The following NPC2 variants were observed in gnomAD, a reference collection of about 807,000 sequenced individuals.
The protein encoded by NPC2 is NPC intracellular cholesterol transporter 2, also known as Niemann-Pick disease type C2 protein.
NPC2 carries 14 observed loss-of-function variants against 17.0 expected under a neutral mutation model. That is an observed-to-expected ratio of 0.82 (90% confidence interval 0.54 to 1.29). The LOEUF (loss-of-function observed/expected upper bound fraction) is 1.29, where lower values mean the gene tolerates loss of function less well. NPC2 is among the 50% of genes most tolerant of loss of function. NPC2 has a pLI of 0.00. For synonymous variants in NPC2, 75 were observed against 69.3 expected (o/e 1.08, Z -0.41); for missense variants, 167 against 183.4 (o/e 0.91, Z 0.52).
intron 1 of NPC2, among the ~76,000 whole-genome samples, chr14:74,487,654 C>A (rs968145844): frequency 1.3e-5 from 2 of 152,224 alleles, no homozygotes; most frequent in Non-Finnish European, 2.9e-5. Context: ...ATTACAACAT[C>A]TTTCTACCTC....
chr14:74,482,167 T>C (rs563699206), intron 3 of NPC2, among the ~76,000 whole-genome samples: 1 of 152,360 alleles, frequency 6.6e-6, no homozygotes, highest in South Asian at 2.1e-4. Context: ...TGGATATTCA[T>C]CTACTAATCT....
chr14:74,480,599 T>C, intron 4 of NPC2, 103 bp downstream of exon 4: 1 of 996,520 alleles, frequency 1.0e-6, no homozygotes, highest in Non-Finnish European at 1.6e-6. Context: ...AAAACAGCAG[T>C]CTTGAAATTC....
chr14:74,480,105 T>G lies in NPC2; in HGVS notation c.*169A>C. ...AGAAAAAGAGACATGAGACAACCAC[T>G]GAGAACCAGCCACCCGGAGCTCAGT... On this transcript the variant is annotated 3_prime_UTR_variant, in exon 5 of 5. Transcript: ENST00000555619. The G allele has an allele frequency of 6.5e-7, 1 of 1,549,772 alleles. No homozygotes were observed. The highest frequency in any genetic ancestry group is 8.7e-7 in the Non-Finnish European group (1 of 1,151,606).
intron 2 of NPC2, among the ~76,000 whole-genome samples, chr14:74,484,812 G>A (rs1449258601): frequency 1.4e-5 from 2 of 142,168 alleles, no homozygotes; most frequent in Admixed American, 1.4e-4. Flanking sequence ...TCTTAACCTT[G>A]CTCTTCATGG....
chr14:74,480,091 C>A lies in NPC2; in HGVS notation c.*183G>T. On this transcript the variant is annotated 3_prime_UTR_variant, in exon 5 of 5. Coordinates refer to ENST00000555619, the MANE Select transcript of NPC2 (RefSeq NM_006432.5). Reference sequence around the variant, plus strand: ...AAACCACCTAAGACAGAAAAAGAGACATGAGACAACCACTGAGAACCAGCC... The same window carrying A: ...AAACCACCTAAGACAGAAAAAGAGAAATGAGACAACCACTGAGAACCAGCC... The A allele has an allele frequency of 6.5e-7, 1 of 1,540,974 alleles. No individual in the cohort carries two copies. The highest frequency in any genetic ancestry group is 1.2e-5 in the South Asian group (1 of 83,638).
chr14:74,491,812 AG>A (rs2086776346), intron 1 of NPC2, among the ~76,000 whole-genome samples: 1 of 152,088 alleles, frequency 6.6e-6, no homozygotes, highest in Non-Finnish European at 1.5e-5. Context: ...AGTCTTGGAG[AG>A]GAATTTATAG....
chr14:74,486,388 G>A lies in NPC2; in HGVS notation c.131C>T (p.Thr44Ile). Residue 44 changes from threonine (T) to isoleucine (I), a missense_variant, in exon 2 of 5, where the codon ACC becomes ATC. Transcript: ENST00000555619. ...IKEVNVSPCP[T>I]QPCQLSKGQS... Reference sequence around the variant, plus strand: ...TCCTTTGCTCAGCTGGCAGGGTTGGGTGGGGCATGGGCTCACATTCACTTC... The same window carrying A: ...TCCTTTGCTCAGCTGGCAGGGTTGGATGGGGCATGGGCTCACATTCACTTC... 6.2e-7 allele frequency: 1 copy of A among 1,605,980 alleles called. No individual in the cohort carries two copies. The highest frequency in any genetic ancestry group is 2.2e-5 in the East Asian group (1 of 44,812).
chr14:74,486,639 C>T (rs1014370929), intron 1 of NPC2, among the ~76,000 whole-genome samples: 1 of 152,112 alleles, frequency 6.6e-6, no homozygotes, highest in African/African-American at 2.4e-5. Flanking sequence ...AAAATCATAG[C>T]CTTTAATTCA....
intron 1 of NPC2, 68 bp from the exon 2 acceptor site, chr14:74,486,504 C>A (rs2086714319): frequency 8.6e-6 from 11 of 1,278,904 alleles, no homozygotes; most frequent in Non-Finnish European, 1.2e-5. Flanking sequence ...CTGCCCACCA[C>A]CTAATGGGAA....
chr14:74,485,082 G>A (rs1245464935), intron 2 of NPC2, among the ~76,000 whole-genome samples: 8 of 151,868 alleles, frequency 5.3e-5, no homozygotes, highest in Admixed American at 1.3e-4. Flanking sequence ...ATCATCTGAG[G>A]TCAGGAGTTT....
chr14:74,481,379 T>A (rs918260187), intron 3 of NPC2, among the ~76,000 whole-genome samples: 1 of 152,258 alleles, frequency 6.6e-6, no homozygotes, highest in African/African-American at 2.4e-5. Context: ...GTGGTGGCAC[T>A]ATGCTTCAGG....
At chr14:74,484,670 G>A (rs1427124072) in intron 2 of NPC2, 83 bp from the exon 3 acceptor site, 5 of 1,291,596 alleles carry the variant, frequency 3.9e-6, no homozygotes, top group African/African-American at 1.5e-5. Flanking sequence ...ATAATCCCAA[G>A]CAACAGCATT....
chr14:74,493,494 G>T, upstream of NPC2: 5 of 1,071,336 alleles, frequency 4.7e-6, no homozygotes, highest in Non-Finnish European at 5.3e-6. The surrounding 1 kb of genome is among the most constrained non-coding windows in gnomAD (Gnocchi z 4.1). Flanking sequence ...TCCCCTCAGA[G>T]GCCTGACCCG....
intron 3 of NPC2, 114 bp downstream of exon 3, chr14:74,484,301 C>G (rs765716945): frequency 1.7e-6 from 2 of 1,157,078 alleles, no homozygotes; most frequent in East Asian, 4.7e-5. Flanking sequence ...CGGGCTTCTT[C>G]TTCATCATAG....
chr14:74,489,524 C>T (rs534109734), intron 1 of NPC2, among the ~76,000 whole-genome samples: 33 of 135,128 alleles, frequency 2.4e-4, no homozygotes, highest in African/African-American at 8.4e-4. Context: ...TGGGAACCTG[C>T]GTTCTTAAAA....
intron 2 of NPC2, among the ~76,000 whole-genome samples, 182 bp downstream of exon 2, chr14:74,486,147 T>C (rs570200093): frequency 2.1e-4 from 32 of 152,308 alleles, no homozygotes; most frequent in Non-Finnish European, 4.0e-4. Context: ...CTGGGAGCCA[T>C]GGACCCTGCA....
At chr14:74,493,456 C>T, upstream of NPC2, 3 of 1,372,218 alleles carry the variant, frequency 2.2e-6, no homozygotes, top group Non-Finnish European at 3.0e-6. The surrounding 1 kb of genome is among the most constrained non-coding windows in gnomAD (Gnocchi z 4.1). Flanking sequence ...CTCTCAGGCC[C>T]AGAAGCCTGC....
At chr14:74,481,795 T>C (rs2086658486) in intron 3 of NPC2, among the ~76,000 whole-genome samples, 1 of 152,240 alleles carries the variant, frequency 6.6e-6, no homozygotes, top group Non-Finnish European at 1.5e-5. Context: ...TACACTCATA[T>C]CACGTGAGTG....
At position 74,493,093 on chromosome 14, in the gene NPC2, C is replaced by A; in HGVS notation, c.82+100G>T. On this transcript the variant is annotated intron_variant, in intron 1 of 4. Transcript: ENST00000555619. This position sits in a 1 kb window ranked among gnomAD's most constrained non-coding sequence, Gnocchi z 4.1. ...AGGGTCCAAGGCTCAGCCTGGCCGC[C>A]CGAGGGATCCGCCCAGCCCAGCCCC... 1 of 1,462,134 alleles carries A rather than the reference C, an allele frequency of 6.8e-7. No homozygotes were observed. 90.6% of individuals were successfully genotyped at this position (1,462,134 alleles called of 1,614,324 possible).
Sources: gnomAD v4.1 joint callset for allele counts (sites outside exome capture counted in the v4.1 genomes callset) on GRCh38, gnomAD v4.1.1 for gene constraint, Gnocchi (gnomAD v3.1) non-coding constraint, MANE v1.5 for transcripts, NCBI Gene and HGNC (gene_info 2026-07-23, HGNC 2026-07-21) for gene names.